GLIS1: variants seen among roughly 807,000 people sequenced by gnomAD.
GLIS1 encodes zinc finger protein GLIS1.
GLIS1 carries 24 observed loss-of-function variants against 63.8 expected under a neutral mutation model. The observed-to-expected ratio is 0.38, with a 90% confidence interval of 0.27 to 0.53. The LOEUF is 0.53. GLIS1 is among the 20% of genes least tolerant of loss of function. The probability of loss-of-function intolerance (pLI) is 0.85; values close to 1 mark genes in which losing one functional copy is unlikely to be tolerated. For missense variants in GLIS1, 1,036 were observed against 1,074.1 expected, an observed-to-expected ratio of 0.96 and a Z score of 0.50; for synonymous variants, 450 against 482.5, an observed-to-expected ratio of 0.93 and a Z score of 0.88.
chr1:53,711,593 T>G (rs1646647545), intron 2 of GLIS1, among the ~76,000 whole-genome samples: 1 of 152,198 alleles, frequency 6.6e-6, no homozygotes, highest in African/African-American at 2.4e-5. Flanking sequence ...GCTCTTTCTT[T>G]TATTAGTCCT....
At chr1:53,540,155 G>C (rs1280151482) in intron 4 of GLIS1, among the ~76,000 whole-genome samples, 1 of 152,150 alleles carries the variant, frequency 6.6e-6, no homozygotes, top group Non-Finnish European at 1.5e-5. Flanking sequence ...CTCGGCCCTG[G>C]GAGGGAGAGA....
rs1289862667 is a variant in GLIS1 at position 53,514,666 on chromosome 1, G to T, written c.1842C>A (p.His614Gln). ...HPLDATTSSHHHLSPLPMAES... is the reference protein window; with the variant it reads ...HPLDATTSSHQHLSPLPMAES... Reference sequence around the variant, plus strand: ...CAGCCATGGGCAGAGGGGACAGATGGTGGTGGGAACTGGTGGTGGCATCCA... The same window carrying T: ...CAGCCATGGGCAGAGGGGACAGATGTTGGTGGGAACTGGTGGTGGCATCCA... Residue 614 changes from histidine (H) to glutamine (Q), a missense_variant, in exon 8 of 11, where the codon CAC becomes CAA. This residue lies in a region of GLIS1 where 400 missense variants were observed against 400.9 expected (regional missense o/e 1.00). Coordinates refer to ENST00000628545, the MANE Select transcript of GLIS1 (RefSeq NM_001367484.1). The T allele has an allele frequency of 1.2e-6, 2 of 1,613,804 alleles. No individual in the cohort carries two copies. Among genetic ancestry groups the T allele is most frequent in the Non-Finnish European group, 1.7e-6 (2 of 1,179,972 alleles).
chr1:53,533,578 G>A (rs965759603), intron 4 of GLIS1, among the ~76,000 whole-genome samples: 15 of 152,186 alleles, frequency 9.9e-5, no homozygotes, highest in Non-Finnish European at 2.2e-4. Context: ...AGAGTGGCCC[G>A]TCCCTCCAGG....
chr1:53,661,508 TTCCCTAGACCAC>T (rs748608615), intron 2 of GLIS1, among the ~76,000 whole-genome samples: 2 of 152,184 alleles, frequency 1.3e-5, no homozygotes, highest in Non-Finnish European at 2.9e-5. Flanking sequence ...TCTTCTAGAC[TTCCCTAGACCAC>T]TCCAGAGGCC....
intron 2 of GLIS1, among the ~76,000 whole-genome samples, chr1:53,603,992 A>T (rs564733795): frequency 6.6e-6 from 1 of 152,344 alleles, no homozygotes; most frequent in Admixed American, 6.5e-5. Flanking sequence ...TAAGCTAGGT[A>T]AGAATTTCAT....
intron 1 of GLIS1, among the ~76,000 whole-genome samples, chr1:53,738,506 G>C (rs1646935020): frequency 6.6e-6 from 1 of 152,154 alleles, no homozygotes; most frequent in African/African-American, 2.4e-5. Context: ...GCAGGGCTCG[G>C]GCGAAGCCCC....
chr1:53,734,124 T>C, intron 2 of GLIS1: 1 of 985,286 alleles, frequency 1.0e-6, no homozygotes, highest in Non-Finnish European at 1.2e-6. Context: ...ATGATGGCTG[T>C]TTTTATAACG....
intron 2 of GLIS1, among the ~76,000 whole-genome samples, chr1:53,722,492 T>C (rs570450583): frequency 3.9e-4 from 60 of 152,276 alleles, no homozygotes; most frequent in Non-Finnish European, 1.9e-4. Flanking sequence ...GCCTTCCAAA[T>C]TTTGGACCAT....
At chr1:53,706,458 G>A (rs1197364682) in intron 2 of GLIS1, among the ~76,000 whole-genome samples, 2 of 152,206 alleles carry the variant, frequency 1.3e-5, no homozygotes, top group African/African-American at 4.8e-5. Context: ...CCTCTATGCA[G>A]CCTAGGTCCC....
At chr1:53,536,900 A>C (rs929555822) in intron 4 of GLIS1, among the ~76,000 whole-genome samples, 17 of 151,080 alleles carry the variant, frequency 1.1e-4, no homozygotes, top group African/African-American at 4.2e-4. Flanking sequence ...TCCACAGAAC[A>C]GCCTTGAAAG....
chr1:53,685,382 C>T (rs1261387328), intron 2 of GLIS1, among the ~76,000 whole-genome samples: 3 of 152,182 alleles, frequency 2.0e-5, no homozygotes, highest in Admixed American at 6.5e-5. Flanking sequence ...CTGCCGGGCG[C>T]GATCTGTTAT....
In GLIS1 at chr1:53,517,785, G is replaced by C. The variant is rs556201087; in HGVS notation, c.1726+2849C>G. Among the ~76,000 whole-genome samples, 7 of 152,314 alleles carry C rather than the reference G, an allele frequency of 4.6e-5. No homozygotes were observed. The South Asian group carries it at 1.4e-3, about 32-fold the overall frequency. On this transcript the variant is annotated intron_variant, in intron 7 of 10. Coordinates refer to ENST00000628545, the MANE Select transcript of GLIS1 (RefSeq NM_001367484.1). ...GTTCTGGACTCTGCTAATCCTCCCT[G>C]ACTCAGTCCCCTGCCCTTGCCCCTG...
At chr1:53,707,244 A>C (rs1393936211) in intron 2 of GLIS1, among the ~76,000 whole-genome samples, 1 of 152,198 alleles carries the variant, frequency 6.6e-6, no homozygotes, top group Non-Finnish European at 1.5e-5. Context: ...CTAGAGCTCA[A>C]GTCCCGGCTG....
At chr1:53,712,314 T>C (rs1298335454) in intron 2 of GLIS1, among the ~76,000 whole-genome samples, 1 of 152,216 alleles carries the variant, frequency 6.6e-6, no homozygotes, top group African/African-American at 2.4e-5. Context: ...AGATTCTGCA[T>C]TTCTAAGAAG....
At chr1:53,590,228 G>A (rs941042567) in intron 4 of GLIS1, among the ~76,000 whole-genome samples, 1 of 151,960 alleles carries the variant, frequency 6.6e-6, no homozygotes, top group African/African-American at 2.4e-5. Flanking sequence ...TTTTACAATC[G>A]AGTATGCTGT....
At chr1:53,679,451 TCCAGGAGGAAC>T (rs1646251777) in intron 2 of GLIS1, among the ~76,000 whole-genome samples, 1 of 152,154 alleles carries the variant, frequency 6.6e-6, no homozygotes, top group African/African-American at 2.4e-5. Context: ...CATCTGCTGC[TCCAGGAGGAAC>T]CCAGGAAAAA....
At chr1:53,613,121 T>A (rs1645443494) in intron 2 of GLIS1, among the ~76,000 whole-genome samples, 1 of 152,234 alleles carries the variant, frequency 6.6e-6, no homozygotes, top group Non-Finnish European at 1.5e-5. Context: ...AGTTCTTTGA[T>A]GCCTTTAAAC....
intron 7 of GLIS1, among the ~76,000 whole-genome samples, chr1:53,519,404 C>T (rs1644384203): frequency 6.6e-6 from 1 of 152,180 alleles, no homozygotes; most frequent in Non-Finnish European, 1.5e-5. Flanking sequence ...AAATCTGTTG[C>T]TACTTCAACA....
intron 2 of GLIS1, among the ~76,000 whole-genome samples, chr1:53,682,534 G>A (rs966151424): frequency 1.3e-5 from 2 of 152,266 alleles, no homozygotes; most frequent in African/African-American, 2.4e-5. Flanking sequence ...GGCCCTGGCA[G>A]AGACCCTAAG....
Sources: gnomAD v4.1 joint callset for allele counts (sites outside exome capture counted in the v4.1 genomes callset) on GRCh38, gnomAD v4.1.1 for gene constraint, gnomAD v4.1.1 regional missense constraint, MANE v1.5 for transcripts, NCBI Gene and HGNC (gene_info 2026-07-23, HGNC 2026-07-21) for gene names.